SOCS6: variants seen among roughly 807,000 people sequenced by gnomAD.
SOCS6 encodes STAT induced STAT inhibitor-4.
A neutral mutation model predicts 27.7 loss-of-function variants in SOCS6; 5 were observed. That is an observed-to-expected ratio of 0.18 (90% CI 0.09 to 0.38). The LOEUF is 0.38. SOCS6 is among the 10% of genes least tolerant of loss of function. The pLI, the probability that SOCS6 is intolerant of heterozygous loss-of-function variation, is 1.00. For synonymous variants in SOCS6, 271 were observed against 260.0 expected, an observed-to-expected ratio of 1.04 and a Z score of -0.41; for missense variants, 595 against 688.1, an observed-to-expected ratio of 0.86 and a Z score of 1.51.
At position 70,324,761 on chromosome 18, in the gene SOCS6, G is replaced by A. The variant is rs372727194; in HGVS notation, c.93G>A (p.Ser31=). The change falls in exon 2 of 2, where the codon TCG becomes TCA. Residue 31 remains serine (S), a synonymous_variant. Coordinates refer to ENST00000397942, the MANE Select transcript of SOCS6 (RefSeq NM_004232.4). ...ETDFMVVQQP[S]LASDFGKDDS... ...ATTTCATGGTAGTACAACAACCATCGCTAGCCAGTGACTTTGGAAAAGATG... is the reference window on the plus strand; with the variant it reads ...ATTTCATGGTAGTACAACAACCATCACTAGCCAGTGACTTTGGAAAAGATG... 5.1e-5 allele frequency: 83 copies of A among 1,613,628 alleles called. 1 individual carries two copies. The African/African-American group carries it at 6.8e-4, about 13-fold the overall frequency.
At chr18:70,312,796 T>C (rs894619904) in intron 1 of SOCS6, among the ~76,000 whole-genome samples, 22 of 117,086 alleles carry the variant, frequency 1.9e-4, no homozygotes, top group African/African-American at 5.8e-4. Context: ...TTTTTTGAGA[T>C]GGAGTCTTCC....
chr18:70,325,928 G>C lies in SOCS6; in HGVS notation c.1260G>C (p.Leu420Phe). The change falls in exon 2 of 2, where the codon TTG becomes TTC. Residue 420 changes from leucine to phenylalanine, a missense_variant. Leu to Phe is a conservative substitution (Grantham distance 22, BLOSUM62 0). This residue lies in a region of SOCS6 where 128 missense variants were observed against 207.0 expected (regional missense o/e 0.62). Transcript: ENST00000397942. The surrounding 1 kb of genome is among the most constrained non-coding windows in gnomAD (Gnocchi z 6.3). Reference sequence around the variant, plus strand: ...CTGACGACCGTTACCTTTTAAGCTTGAGCTTTCGCTCCCATGGTAAAACAC... The same window carrying C: ...CTGACGACCGTTACCTTTTAAGCTTCAGCTTTCGCTCCCATGGTAAAACAC... ...DSSDDRYLLS[L>F]SFRSHGKTLH... 6.2e-7 allele frequency: 1 copy of C among 1,614,216 alleles called. No homozygotes were observed. Among genetic ancestry groups the C allele is most frequent in the Non-Finnish European group, 8.5e-7 (1 of 1,180,042 alleles).
chr18:70,325,016 G>T lies in SOCS6; in HGVS notation c.348G>T (p.Val116=). 1 of 1,614,140 alleles carries T rather than the reference G, an allele frequency of 6.2e-7. No homozygotes were observed. Among genetic ancestry groups the T allele is most frequent in the Non-Finnish European group, 8.5e-7 (1 of 1,180,014 alleles). The change falls in exon 2 of 2, where the codon GTG becomes GTT. Residue 116 remains valine (V), a synonymous_variant. Transcript: ENST00000397942. This position sits in a 1 kb window ranked among gnomAD's most constrained non-coding sequence, Gnocchi z 6.3. The part of the protein sequence containing the change: ...SSSAPIVFKD[V]RAQRPIRSTS... ...CAGCACCCATAGTCTTTAAAGACGT[G>T]AGAGCTCAGAGGCCGATAAGGTCCA...
chr18:70,306,059 G>A (rs2062367914), intron 1 of SOCS6, among the ~76,000 whole-genome samples: 1 of 152,052 alleles, frequency 6.6e-6, no homozygotes, highest in Non-Finnish European at 1.5e-5. Flanking sequence ...GAAACATAGG[G>A]AGACCCTGTC....
chr18:70,312,771 ATTTT>A (rs375997089), intron 1 of SOCS6, among the ~76,000 whole-genome samples: 3 of 121,984 alleles, frequency 2.5e-5, no homozygotes, highest in Non-Finnish European at 1.6e-5. Flanking sequence ...AATTCTTTGG[ATTTT>A]TTTTTTTTTT....
intron 1 of SOCS6, among the ~76,000 whole-genome samples, chr18:70,298,288 A>G (rs1443282283): frequency 6.6e-6 from 1 of 152,208 alleles, no homozygotes; most frequent in African/African-American, 2.4e-5. Context: ...ATAATTCATG[A>G]GGTCATTCTT....
At position 70,314,967 on chromosome 18, in the gene SOCS6, G is replaced by A. The variant is rs150049148; in HGVS notation, c.-126-9576G>A. 4.1e-3 allele frequency among the ~76,000 whole-genome samples: 615 copies of A among 151,752 alleles called. 1 individual carries two copies. The highest frequency in any genetic ancestry group is 5.9e-3 in the Non-Finnish European group (402 of 67,932). ...TTTCAGATCCTTCTTGTGACTCATA[G>A]CTATGATCATATTATTTTACTCCTT... On this transcript the variant is annotated intron_variant, in intron 1 of 1. Transcript: ENST00000397942.
In SOCS6 at chr18:70,310,953, G is replaced by C. The variant is rs1477441465; in HGVS notation, c.-126-13590G>C. ...CTTCTATAAAACGGAGATAAAAATAGTGTCTTCCAAGTAGAGCTCTTATGA... is the reference window on the plus strand; with the variant it reads ...CTTCTATAAAACGGAGATAAAAATACTGTCTTCCAAGTAGAGCTCTTATGA... On this transcript the variant is annotated intron_variant, in intron 1 of 1. Transcript: ENST00000397942. 2.6e-5 allele frequency among the ~76,000 whole-genome samples: 4 copies of C among 152,156 alleles called. No individual in the cohort carries two copies. The East Asian group carries it at 7.7e-4, about 29-fold the overall frequency.
chr18:70,325,392 C>G lies in SOCS6; in HGVS notation c.724C>G (p.Leu242Val). The G allele has an allele frequency of 6.2e-7, 1 of 1,614,224 alleles. No homozygotes were observed. The highest frequency in any genetic ancestry group is 8.5e-7 in the Non-Finnish European group (1 of 1,180,048). ...YPLEGSRSYC[L>V]DSSSPMEVSA... ...TTTGGAAGGATCACGGAGCTATTGT[C>G]TGGACAGCTCTTCTCCCATGGAAGT... Residue 242 changes from leucine (L) to valine (V), a missense_variant, in exon 2 of 2, where the codon CTG becomes GTG. Leu to Val is a conservative substitution (Grantham distance 32). This residue lies in a region of SOCS6 where 467 missense variants were observed against 481.1 expected (regional missense o/e 0.97). Transcript: ENST00000397942. This position sits in a 1 kb window ranked among gnomAD's most constrained non-coding sequence, Gnocchi z 6.3.
chr18:70,293,660 C>T (rs1159971217), intron 1 of SOCS6, among the ~76,000 whole-genome samples: 1 of 152,020 alleles, frequency 6.6e-6, no homozygotes, highest in Non-Finnish European at 1.5e-5. Context: ...GGAAGACAGT[C>T]TCTCATGGGG....
At chr18:70,321,910 A>C (rs993864432) in intron 1 of SOCS6, among the ~76,000 whole-genome samples, 6 of 152,194 alleles carry the variant, frequency 3.9e-5, no homozygotes, top group Non-Finnish European at 8.8e-5. Context: ...TCTGATAACC[A>C]GTTTCCTCAT....
chr18:70,292,796 C>T (rs546275065), intron 1 of SOCS6, among the ~76,000 whole-genome samples: 6 of 152,352 alleles, frequency 3.9e-5, no homozygotes, highest in East Asian at 1.9e-4. Flanking sequence ...ATCTAAGCTG[C>T]TTCCTGCTCC....
intron 1 of SOCS6, among the ~76,000 whole-genome samples, chr18:70,323,085 A>G (rs972799032): frequency 2.6e-5 from 4 of 152,348 alleles, no homozygotes; most frequent in Non-Finnish European, 5.9e-5. Flanking sequence ...TAGTAAAGGC[A>G]GAGTGAATTC....
chr18:70,318,412 T>C (rs1910848703), intron 1 of SOCS6, among the ~76,000 whole-genome samples: 1 of 152,168 alleles, frequency 6.6e-6, no homozygotes, highest in African/African-American at 2.4e-5. Flanking sequence ...GTGTTGGAGA[T>C]ACAGTCATGA....
At chr18:70,323,071 G>A (rs2146296395) in intron 1 of SOCS6, among the ~76,000 whole-genome samples, 1 of 152,304 alleles carries the variant, frequency 6.6e-6, no homozygotes, top group African/African-American at 2.4e-5. Flanking sequence ...GCCGAGTAGG[G>A]GCTTAGTAAA....
At chr18:70,314,967 G>C (rs150049148) in intron 1 of SOCS6, among the ~76,000 whole-genome samples, 3 of 151,636 alleles carry the variant, frequency 2.0e-5, no homozygotes, top group Admixed American at 6.6e-5. Context: ...GTGACTCATA[G>C]CTATGATCAT....
chr18:70,297,454 A>G (rs1483345905), intron 1 of SOCS6, among the ~76,000 whole-genome samples: 1 of 152,180 alleles, frequency 6.6e-6, no homozygotes, highest in Non-Finnish European at 1.5e-5. Flanking sequence ...CTTTAAATAA[A>G]AGTAGTGTTT....
At chr18:70,292,106 G>T (rs1188096690) in intron 1 of SOCS6, among the ~76,000 whole-genome samples, 1 of 152,102 alleles carries the variant, frequency 6.6e-6, no homozygotes, top group Non-Finnish European at 1.5e-5. Flanking sequence ...CTTCGTTGGG[G>T]CAGTTGTTTT....
intron 1 of SOCS6, among the ~76,000 whole-genome samples, chr18:70,323,065 AG>A (rs1470456980): frequency 3.3e-5 from 5 of 152,198 alleles, no homozygotes; most frequent in African/African-American, 1.2e-4. Flanking sequence ...GCAGAGGCCG[AG>A]TAGGGGCTTA....
Sources: allele counts gnomAD v4.1 joint callset (sites outside exome capture counted in the v4.1 genomes callset), GRCh38; gene constraint gnomAD v4.1.1; regional missense constraint gnomAD v4.1.1; non-coding constraint Gnocchi (gnomAD v3.1); transcripts MANE v1.5; gene names NCBI Gene and HGNC (gene_info 2026-07-23, HGNC 2026-07-21).